Variants in SHROOM4 observed in about 807,000 individuals in gnomAD.
SHROOM4 encodes the protein shroom family member 4, also known as protein Shroom4.
In SHROOM4, 17 loss-of-function variants were observed where a neutral mutation model predicts 80.3. The ratio of observed to expected loss-of-function variants is 0.21; its 90% confidence interval spans 0.14 to 0.32. The LOEUF is 0.32. Among genes scored for constraint, SHROOM4 ranks in the 10% least tolerant of loss-of-function variants. The probability of loss-of-function intolerance (pLI) is 1.00; values close to 1 mark genes in which losing one functional copy is unlikely to be tolerated. For missense variants in SHROOM4, 993 were observed against 1,140.3 expected, an observed-to-expected ratio of 0.87 and a Z score of 1.86; for synonymous variants, 400 against 437.5, an observed-to-expected ratio of 0.91 and a Z score of 1.07.
chrX:50,658,922 A>C (rs1403289146), intron 2 of SHROOM4, among the ~76,000 whole-genome samples: 2 of 111,485 alleles, frequency 1.8e-5, no homozygotes, highest in Admixed American at 9.5e-5. Context: ...TGCTGGGGAC[A>C]TTTCTTATGG....
At chrX:50,737,446 T>A (rs1934522169) in intron 1 of SHROOM4, among the ~76,000 whole-genome samples, 1 of 111,688 alleles carries the variant, frequency 9.0e-6, no homozygotes. Flanking sequence ...TATAACTGCA[T>A]GCTATCTACA....
chrX:50,617,255 A>T (rs1304652622), intron 5 of SHROOM4, among the ~76,000 whole-genome samples: 1 of 112,550 alleles, frequency 8.9e-6, no homozygotes, highest in Non-Finnish European at 1.9e-5. Flanking sequence ...AGGATGAACT[A>T]TGTAAAAAGG....
At position 50,634,913 on chromosome X, in the gene SHROOM4, G is replaced by A; in HGVS notation, c.1160C>T (p.Ala387Val). 1 of 1,208,910 alleles carries A rather than the reference G, an allele frequency of 8.3e-7. No homozygotes were observed. The highest frequency in any genetic ancestry group is 1.1e-6 in the Non-Finnish European group (1 of 893,938). ...SSVDSNPLNE[A>V]SAELAKASFG... is the part of the protein sequence containing the mutation. ...AGAAGCCTTAGCTAGCTCTGCAGAA[G>A]CCTCATTGAGTGGGTTGGAATCCAC... Residue 387 changes from alanine to valine, a missense_variant, in exon 4 of 9, where the codon GCT becomes GTT. Transcript: ENST00000376020.
chrX:50,702,155 G>A (rs1933534439), intron 1 of SHROOM4, among the ~76,000 whole-genome samples: 1 of 112,034 alleles, frequency 8.9e-6, no homozygotes, highest in Admixed American at 9.5e-5. Flanking sequence ...TTAGGGAAAT[G>A]TGATTTAAAA....
At chrX:50,772,707 T>C (rs1225036176) in intron 1 of SHROOM4, among the ~76,000 whole-genome samples, 3 of 112,151 alleles carry the variant, frequency 2.7e-5, no homozygotes, top group Non-Finnish European at 5.6e-5. Context: ...ATAGCTCAAA[T>C]TGAACCTTCA....
chrX:50,579,899 A>G, the SHROOM4 span, among the ~76,000 whole-genome samples: 1 of 111,830 alleles, frequency 8.9e-6, no homozygotes, highest in Non-Finnish European at 1.9e-5. Flanking sequence ...ATCCAGAATG[A>G]GCTGAATTGT....
intron 1 of SHROOM4, among the ~76,000 whole-genome samples, chrX:50,804,643 G>C (rs782788845): frequency 3.6e-5 from 4 of 112,169 alleles, no homozygotes; most frequent in Non-Finnish European, 5.6e-5. Context: ...CTTCTCCTGA[G>C]TCTCGGTTCT....
chrX:50,714,782 C>A (rs1237215844), intron 1 of SHROOM4, among the ~76,000 whole-genome samples: 2 of 111,820 alleles, frequency 1.8e-5, no homozygotes. Context: ...AGTTGATACA[C>A]CTGCCCAACC....
At chrX:50,743,752 C>G (rs1934717850) in intron 1 of SHROOM4, among the ~76,000 whole-genome samples, 1 of 112,132 alleles carries the variant, frequency 8.9e-6, no homozygotes, top group African/African-American at 3.2e-5. Context: ...TTACTGCCCC[C>G]AGACTGCCTG....
In SHROOM4 at chrX:50,762,923, A is replaced by G. The variant is rs956925309; in HGVS notation, c.117+50979T>C. ...TTGGAATTTCTTGAGGATTTTCCATATGTAGATTAACATTTTTCATCATGT... is the reference window on the plus strand; with the variant it reads ...TTGGAATTTCTTGAGGATTTTCCATGTGTAGATTAACATTTTTCATCATGT... On this transcript the variant is annotated intron_variant, in intron 1 of 8. Transcript: ENST00000376020. 3.6e-5 allele frequency among the ~76,000 whole-genome samples: 4 copies of G among 111,512 alleles called. No homozygotes were observed. The Admixed American group carries it at 3.8e-4, about 11-fold the overall frequency.
intron 2 of SHROOM4, among the ~76,000 whole-genome samples, chrX:50,670,436 A>C (rs1346153482): frequency 9.0e-6 from 1 of 111,684 alleles, no homozygotes; most frequent in Non-Finnish European, 1.9e-5. Flanking sequence ...AAAGGACATG[A>C]ACTCATCCAT....
chrX:50,576,242 C>A, the SHROOM4 span, among the ~76,000 whole-genome samples: 1 of 111,849 alleles, frequency 8.9e-6, no homozygotes, highest in Admixed American at 9.5e-5. Context: ...CTGGGCCCAA[C>A]TGGAGTAATT....
intron 2 of SHROOM4, among the ~76,000 whole-genome samples, chrX:50,640,648 T>C (rs1159675010): frequency 1.8e-5 from 2 of 111,937 alleles, no homozygotes; most frequent in Non-Finnish European, 3.8e-5. Flanking sequence ...CCCTATTTCT[T>C]ACTCTGTCCC....
At chrX:50,653,041 G>T (rs184671666) in intron 2 of SHROOM4, among the ~76,000 whole-genome samples, 2 of 111,579 alleles carry the variant, frequency 1.8e-5, no homozygotes, top group African/African-American at 6.5e-5. Flanking sequence ...GATTGTCTTG[G>T]CTATCCAGGC....
At chrX:50,787,226 A>G (rs782504249) in intron 1 of SHROOM4, among the ~76,000 whole-genome samples, 1 of 102,196 alleles carries the variant, frequency 9.8e-6, no homozygotes, top group African/African-American at 3.5e-5. Context: ...CTCAAAAAAG[A>G]AAAAAAAAAA....
chrX:50,788,381 T>C (rs782317915), intron 1 of SHROOM4, among the ~76,000 whole-genome samples: 3 of 110,351 alleles, frequency 2.7e-5, no homozygotes, highest in Non-Finnish European at 5.7e-5. Context: ...AAAGAAGACA[T>C]TACAAAACAA....
At chrX:50,646,523 G>T (rs1448324824) in intron 2 of SHROOM4, among the ~76,000 whole-genome samples, 1 of 83,955 alleles carries the variant, frequency 1.2e-5, no homozygotes, top group African/African-American at 4.4e-5. Context: ...ACCAAGGGGG[G>T]AAGAGTGTGT....
intron 5 of SHROOM4, among the ~76,000 whole-genome samples, chrX:50,621,862 C>G (rs12689451): frequency 0.3 from 33,203 of 110,522 alleles, 3,817 homozygotes; most frequent in South Asian, 0.4. Context: ...TCACACTCTG[C>G]TCATGATGTG....
intron 7 of SHROOM4, among the ~76,000 whole-genome samples, chrX:50,602,141 G>T (rs1364981603): frequency 1.0e-4 from 11 of 107,848 alleles, no homozygotes; most frequent in Admixed American, 7.9e-4. Context: ...GCCCAGGCTG[G>T]AGTGCAGTGG....
Sources: allele counts gnomAD v4.1 joint callset (sites outside exome capture counted in the v4.1 genomes callset), GRCh38; gene constraint gnomAD v4.1.1; transcripts MANE v1.5; gene names NCBI Gene and HGNC (gene_info 2026-07-23, HGNC 2026-07-21).